CALCR: variants seen among roughly 807,000 people sequenced by gnomAD.
CALCR encodes calcitonin receptor.
CALCR carries 47 observed loss-of-function variants against 59.5 expected under a neutral mutation model. That is an observed-to-expected ratio of 0.79 (90% CI 0.63 to 1.01). The LOEUF (loss-of-function observed/expected upper bound fraction) is 1.01, where lower values mean the gene tolerates loss of function less well. Among genes scored for constraint, CALCR ranks in the 50% least tolerant of loss-of-function variants. The pLI, the probability that CALCR is intolerant of heterozygous loss-of-function variation, is 0.00. For synonymous variants in CALCR, 213 were observed against 211.3 expected, an observed-to-expected ratio of 1.01 and a Z score of -0.07; for missense variants, 566 against 597.1, an observed-to-expected ratio of 0.95 and a Z score of 0.54.
At chr7:93,524,880 A>T (rs1327584541) in intron 2 of CALCR, among the ~76,000 whole-genome samples, 4 of 152,178 alleles carry the variant, frequency 2.6e-5, no homozygotes, top group Non-Finnish European at 5.9e-5. Flanking sequence ...ACAAAACTAA[A>T]GTTTTTAGGG....
chr7:93,525,191 A>T (rs1801850911), intron 2 of CALCR, among the ~76,000 whole-genome samples: 1 of 152,144 alleles, frequency 6.6e-6, no homozygotes, highest in South Asian at 2.1e-4. Flanking sequence ...TCACTTAAAC[A>T]TTCCTATCTT....
chr7:93,540,851 A>G (rs1262783197), intron 2 of CALCR, among the ~76,000 whole-genome samples: 2 of 151,198 alleles, frequency 1.3e-5, no homozygotes, highest in African/African-American at 4.9e-5. Flanking sequence ...GGAGCATATA[A>G]ACATTAACAT....
chr7:93,528,753 A>T (rs1788747584), intron 2 of CALCR, among the ~76,000 whole-genome samples: 1 of 152,142 alleles, frequency 6.6e-6, no homozygotes, highest in Non-Finnish European at 1.5e-5. Flanking sequence ...GTCATACTAT[A>T]ATTTCCTAAA....
intron 8 of CALCR, among the ~76,000 whole-genome samples, chr7:93,448,074 T>C (rs1800038557): frequency 6.6e-6 from 1 of 151,948 alleles, no homozygotes; most frequent in African/African-American, 2.4e-5. Context: ...CAGGGAAGTG[T>C]TGCCAAAAGT....
chr7:93,516,272 C>T (rs1354501997), intron 2 of CALCR, among the ~76,000 whole-genome samples: 1 of 151,884 alleles, frequency 6.6e-6, no homozygotes, highest in Non-Finnish European at 1.5e-5. Context: ...GTTGGATGAA[C>T]CAGAATGCCC....
chr7:93,547,148 TG>T (rs1419107019), intron 2 of CALCR, among the ~76,000 whole-genome samples: 1 of 152,136 alleles, frequency 6.6e-6, no homozygotes, highest in Non-Finnish European at 1.5e-5. Flanking sequence ...ATCTGACTTG[TG>T]GGAACTCCAC....
intron 8 of CALCR, among the ~76,000 whole-genome samples, chr7:93,460,184 C>T (rs1800286303): frequency 6.6e-6 from 1 of 151,992 alleles, no homozygotes; most frequent in African/African-American, 2.4e-5. Flanking sequence ...CCTTAGTGTA[C>T]CTAGTATCAT....
In CALCR at chr7:93,434,237, T is replaced by G; in HGVS notation, c.1191+16A>C. The G allele has an allele frequency of 1.3e-6, 2 of 1,588,096 alleles. No homozygotes were observed. Among genetic ancestry groups the G allele is most frequent in the Non-Finnish European group, 1.7e-6 (2 of 1,156,518 alleles). On this transcript the variant is annotated intron_variant, in intron 13 of 13. Transcript: ENST00000426151. ...TACACAAACAAGTGATAGTATTATA[T>G]GAAATGCATGCTTACCTCATTGTTG...
intron 8 of CALCR, among the ~76,000 whole-genome samples, chr7:93,460,593 G>GTATATATATATATGTGTA (rs1800308623): frequency 4.5e-5 from 4 of 89,356 alleles, no homozygotes; most frequent in African/African-American, 2.1e-4. Flanking sequence ...ATATATATAT[G>GTATATATATATATGTGTA]TATATATATA....
At position 93,436,178 on chromosome 7, in the gene CALCR, T is replaced by C. The variant is rs747151239; in HGVS notation, c.931-8A>G. 1.9e-6 allele frequency: 3 copies of C among 1,607,186 alleles called. No homozygotes were observed. The highest frequency in any genetic ancestry group is 1.7e-5 in the Admixed American group (1 of 59,994). On this transcript the variant is annotated splice_region_variant and splice_polypyrimidine_tract_variant and intron_variant, in intron 11 of 13. Coordinates refer to ENST00000426151, the MANE Select transcript of CALCR (RefSeq NM_001742.4). ...CAAAAAGAAGAAATTGACCTGCAAATATACGGTGTTATGAGCAAATCATAC... is the reference window on the plus strand; with the variant it reads ...CAAAAAGAAGAAATTGACCTGCAAACATACGGTGTTATGAGCAAATCATAC...
At chr7:93,555,294 C>T (rs967346566) in intron 2 of CALCR, among the ~76,000 whole-genome samples, 8 of 152,184 alleles carry the variant, frequency 5.3e-5, no homozygotes, top group African/African-American at 1.9e-4. Context: ...AGCAATGCCC[C>T]ATCATTTCTG....
At chr7:93,492,681 G>T (rs1801109771) in intron 2 of CALCR, among the ~76,000 whole-genome samples, 1 of 151,430 alleles carries the variant, frequency 6.6e-6, no homozygotes. Context: ...GAGTGGGGAA[G>T]GGTATAAATG....
chr7:93,546,145 GGTCCAGGTATCATGCAAA>G (rs1369496536), intron 2 of CALCR, among the ~76,000 whole-genome samples: 1 of 152,058 alleles, frequency 6.6e-6, no homozygotes, highest in African/African-American at 2.4e-5. Context: ...ACTCTAACAA[GGTCCAGGTATCATGCAAA>G]GTCCAGGTAT....
Position 93,479,307 on chromosome 7 carries a change from C to T in CALCR, c.205+47G>A, listed in dbSNP as rs2115888872. ...CATATTTAACCACAAAAGAAAATGT[C>T]TGTAATGGTGTTTCAAACATATGTT... On this transcript the variant is annotated intron_variant, in intron 4 of 13. Coordinates refer to ENST00000426151, the MANE Select transcript of CALCR (RefSeq NM_001742.4). The T allele has an allele frequency of 3.3e-6, 5 of 1,513,794 alleles. No homozygotes were observed. In the East Asian group the frequency reaches 1.1e-4, roughly 35 times the overall value. 93.8% of individuals were successfully genotyped at this position (1,513,794 alleles called of 1,614,324 possible).
chr7:93,546,181 G>C (rs1789280404), intron 2 of CALCR, among the ~76,000 whole-genome samples: 1 of 152,074 alleles, frequency 6.6e-6, no homozygotes, highest in African/African-American at 2.4e-5. Flanking sequence ...TATCATGCCA[G>C]GTGTTTTATT....
At chr7:93,539,315 A>C (rs1216103537) in intron 2 of CALCR, among the ~76,000 whole-genome samples, 1 of 151,912 alleles carries the variant, frequency 6.6e-6, no homozygotes, top group Non-Finnish European at 1.5e-5. Flanking sequence ...ATGTGTTCAA[A>C]ATCTTGGTTG....
chr7:93,504,785 C>A (rs973358684), intron 2 of CALCR, among the ~76,000 whole-genome samples: 1 of 152,014 alleles, frequency 6.6e-6, no homozygotes, highest in Non-Finnish European at 1.5e-5. Flanking sequence ...TTCTGGTATT[C>A]TCTTAGGAAG....
intron 2 of CALCR, among the ~76,000 whole-genome samples, chr7:93,492,201 C>T (rs1780866418): frequency 6.6e-6 from 1 of 151,438 alleles, no homozygotes; most frequent in Admixed American, 6.6e-5. Flanking sequence ...ACAATGAGAA[C>T]ACATGAACAC....
At chr7:93,478,513 AC>A (rs1277604178) in intron 4 of CALCR, among the ~76,000 whole-genome samples, 2 of 151,570 alleles carry the variant, frequency 1.3e-5, no homozygotes, top group Non-Finnish European at 2.9e-5. Context: ...ACATGGCAAA[AC>A]CCCATCTCTA....
Sources: gnomAD v4.1 joint callset for allele counts (sites outside exome capture counted in the v4.1 genomes callset) on GRCh38, gnomAD v4.1.1 for gene constraint, MANE v1.5 for transcripts, NCBI Gene and HGNC (gene_info 2026-07-23, HGNC 2026-07-21) for gene names.